The following CADPS2 variants were observed in gnomAD, a reference collection of about 807,000 sequenced individuals.
CADPS2 encodes the protein calcium dependent secretion activator 2, also known as calcium-dependent secretion activator 2.
In CADPS2, 93 loss-of-function variants were observed where a neutral mutation model predicts 172.5. The observed-to-expected ratio is 0.54, with a 90% CI of 0.46 to 0.64. The LOEUF (loss-of-function observed/expected upper bound fraction) is 0.64, where lower values mean the gene tolerates loss of function less well. Among genes scored for constraint, CADPS2 ranks in the 30% least tolerant of loss-of-function variants. The pLI is 0.00. For missense variants in CADPS2, 1,420 were observed against 1,565.9 expected (o/e 0.91, Z 1.57); for synonymous variants, 546 against 555.2 (o/e 0.98, Z 0.23).
chr7:122,707,363 A>G (rs1362024156), intron 2 of CADPS2, among the ~76,000 whole-genome samples: 1 of 151,940 alleles, frequency 6.6e-6, no homozygotes, highest in East Asian at 1.9e-4. Context: ...AACTATTATT[A>G]AGAGAGAAAA....
intron 4 of CADPS2, among the ~76,000 whole-genome samples, chr7:122,623,129 C>T (rs2075761603): frequency 6.7e-6 from 1 of 149,810 alleles, no homozygotes; most frequent in African/African-American, 2.5e-5. Flanking sequence ...CTTAAATATC[C>T]TTTTAAAATT....
intron 8 of CADPS2, among the ~76,000 whole-genome samples, chr7:122,552,939 C>T (rs937376395): frequency 2.0e-5 from 3 of 152,056 alleles, no homozygotes; most frequent in African/African-American, 7.2e-5. Flanking sequence ...TCTCTAGTCT[C>T]AAAGCACTCT....
chr7:122,388,534 A>C (rs773476995), intron 23 of CADPS2, 49 bp downstream of exon 23: 1 of 1,518,336 alleles, frequency 6.6e-7, no homozygotes, highest in Non-Finnish European at 8.9e-7. Flanking sequence ...AAAAAGTGAT[A>C]TTTTTGGGTG....
At chr7:122,564,700 A>G (rs2066177601) in intron 7 of CADPS2, among the ~76,000 whole-genome samples, 1 of 152,198 alleles carries the variant, frequency 6.6e-6, no homozygotes, top group South Asian at 2.1e-4. Context: ...TATATCAAAA[A>G]GACACCTGCA....
Position 122,663,268 on chromosome 7 carries a change from A to C in CADPS2, c.755T>G (p.Leu252Arg), listed in dbSNP as rs1478066516. The C allele has an allele frequency of 6.2e-7, 1 of 1,613,456 alleles. No homozygotes were observed. The highest frequency in any genetic ancestry group is 8.5e-7 in the Non-Finnish European group (1 of 1,179,540). ...TGCATTATAAAGGAGCTGGTGTTCC[A>C]GTTTTTTAATACCCAGAATCTGCTG... ...MFQQILGIKK[L>R]EHQLLYNACQ... The change falls in exon 3 of 30, where the codon CTG (leucine) becomes CGG (arginine). Residue 252 changes from leucine (L) to arginine (R), a missense_variant. Coordinates refer to ENST00000449022, the MANE Select transcript of CADPS2 (RefSeq NM_017954.11).
At chr7:122,388,971 A>G (rs2044034924) in intron 22 of CADPS2, among the ~76,000 whole-genome samples, 1 of 152,098 alleles carries the variant, frequency 6.6e-6, no homozygotes, top group Non-Finnish European at 1.5e-5. Flanking sequence ...GGTTTCATAC[A>G]AAGAGGTAAA....
chr7:122,805,982 G>A (rs1798714145), intron 1 of CADPS2, among the ~76,000 whole-genome samples: 1 of 152,112 alleles, frequency 6.6e-6, no homozygotes, highest in South Asian at 2.1e-4. Flanking sequence ...TAGGAGGTAT[G>A]GATTTTTATA....
chr7:122,837,187 A>G (rs1808764090), intron 1 of CADPS2, among the ~76,000 whole-genome samples: 1 of 152,248 alleles, frequency 6.6e-6, no homozygotes, highest in Non-Finnish European at 1.5e-5. Flanking sequence ...TACTGGGTAC[A>G]TAACGAAATG....
At chr7:122,698,279 A>G in intron 2 of CADPS2, 1 of 1,614,116 alleles carries the variant, frequency 6.2e-7, no homozygotes, top group Non-Finnish European at 8.5e-7. Context: ...CTTGCTAAAC[A>G]AAGTCTATGA....
intron 4 of CADPS2, among the ~76,000 whole-genome samples, chr7:122,626,152 G>A (rs2076069559): frequency 6.6e-6 from 1 of 151,734 alleles, no homozygotes; most frequent in African/African-American, 2.4e-5. Flanking sequence ...AGATCACACA[G>A]GACTTTGCAG....
intron 3 of CADPS2, among the ~76,000 whole-genome samples, chr7:122,640,877 T>C (rs1414467082): frequency 6.7e-6 from 1 of 149,126 alleles, no homozygotes; most frequent in Non-Finnish European, 1.5e-5. Flanking sequence ...GAGTTTGCAG[T>C]GAGCCGAGAT....
chr7:122,360,966 A>C lies in CADPS2; in HGVS notation c.3435T>G (p.Asp1145Glu). ...GAATGGATGAAAAGAAAGTGCCTTC[A>C]TCATACCTTGACAGCTTAGACAACA... ...EGVLSKLSRY[D>E]EGTFFSSILS... Residue 1145 changes from aspartate (D) to glutamate (E), a missense_variant, in exon 26 of 30, where the codon GAT (aspartate) becomes GAG (glutamate). By Grantham distance (45) the Asp-to-Glu change is conservative. Transcript: ENST00000449022. The C allele has an allele frequency of 6.2e-7, 1 of 1,613,830 alleles. No individual in the cohort carries two copies. The highest frequency in any genetic ancestry group is 8.5e-7 in the Non-Finnish European group (1 of 1,179,818).
At chr7:122,488,917 T>G (rs1443247614) in intron 11 of CADPS2, among the ~76,000 whole-genome samples, 3 of 152,182 alleles carry the variant, frequency 2.0e-5, no homozygotes, top group Non-Finnish European at 4.4e-5. Flanking sequence ...CCATACTCTA[T>G]GTGTATTACC....
At chr7:122,881,695 T>C (rs1822977037) in intron 1 of CADPS2, among the ~76,000 whole-genome samples, 1 of 152,296 alleles carries the variant, frequency 6.6e-6, no homozygotes, top group African/African-American at 2.4e-5. Flanking sequence ...AGGCATACTA[T>C]GGGGCTTCAA....
chr7:122,328,244 C>T (rs998621553), intron 28 of CADPS2, among the ~76,000 whole-genome samples: 9 of 151,912 alleles, frequency 5.9e-5, no homozygotes, highest in Admixed American at 2.0e-4. Flanking sequence ...GGGATTAATA[C>T]GTCCTCCTTT....
At position 122,423,670 on chromosome 7, in the gene CADPS2, C is replaced by G. The variant is rs541142614; in HGVS notation, c.2477-7506G>C. Among the ~76,000 whole-genome samples, 24 of 152,318 alleles carry G rather than the reference C, an allele frequency of 1.6e-4. No homozygotes were observed. The South Asian group carries it at 2.3e-3, about 14-fold the overall frequency. On this transcript the variant is annotated intron_variant, in intron 17 of 29. Coordinates refer to ENST00000449022, the MANE Select transcript of CADPS2 (RefSeq NM_017954.11). ...GTGTTGGACTATGTACTGCTTTCAT[C>G]AATGAATGGAGTACCTTCAGTATAG...
chr7:122,749,706 T>A, intron 1 of CADPS2, among the ~76,000 whole-genome samples: 1 of 151,988 alleles, frequency 6.6e-6, no homozygotes, highest in East Asian at 1.9e-4. Context: ...CTTACCAAAT[T>A]TTAGTGGCAA....
chr7:122,444,990 G>A (rs910749981), intron 15 of CADPS2, among the ~76,000 whole-genome samples: 3 of 152,188 alleles, frequency 2.0e-5, no homozygotes, highest in African/African-American at 7.2e-5. Flanking sequence ...CAATAGTTCC[G>A]GTAGCATCTG....
chr7:122,745,772 T>G (rs1284744768), intron 1 of CADPS2, among the ~76,000 whole-genome samples: 3 of 151,984 alleles, frequency 2.0e-5, no homozygotes, highest in Non-Finnish European at 4.4e-5. Flanking sequence ...TCTATTCTCA[T>G]GCTTGCCTGA....
Sources: gnomAD v4.1 joint callset for allele counts (sites outside exome capture counted in the v4.1 genomes callset) on GRCh38, gnomAD v4.1.1 for gene constraint, MANE v1.5 for transcripts, NCBI Gene and HGNC (gene_info 2026-07-23, HGNC 2026-07-21) for gene names.